NHS: variants seen among roughly 807,000 people sequenced by gnomAD.
NHS encodes NHS actin remodeling regulator, also known as actin remodeling regulator NHS.
A neutral mutation model predicts 72.5 loss-of-function variants in NHS; 5 were observed. The observed-to-expected ratio is 0.07, with a 90% CI of 0.04 to 0.14. NHS has a LOEUF of 0.14. Ranked by LOEUF, NHS falls within the 10% of genes least tolerant of loss-of-function variation. NHS has a pLI of 1.00. For synonymous variants in NHS, 464 were observed against 547.7 expected (o/e 0.85, Z 2.13); for missense variants, 1,072 against 1,355.7 (o/e 0.79, Z 3.29).
At chrX:17,695,927 TA>T (rs371466910) in intron 3 of NHS, among the ~76,000 whole-genome samples, 2,278 of 69,429 alleles carry the variant, frequency 0.033, 34 homozygotes, top group Non-Finnish European at 0.042. Context: ...AAAGCTTCCT[TA>T]AAAAAAAAAA....
intron 3 of NHS, among the ~76,000 whole-genome samples, chrX:17,695,983 C>G (rs745840274): frequency 5.1e-4 from 54 of 106,651 alleles, no homozygotes; most frequent in African/African-American, 1.8e-3. Context: ...TTTTGAAATT[C>G]TATAGCCAGA....
At chrX:17,656,556 C>T (rs1393853559) in intron 1 of NHS, among the ~76,000 whole-genome samples, 1 of 112,807 alleles carries the variant, frequency 8.9e-6, no homozygotes, top group Admixed American at 9.3e-5. Context: ...CAGAGCTGAG[C>T]GAGGGTGAGC....
At chrX:17,530,103 G>A (rs903895518) in intron 1 of NHS, among the ~76,000 whole-genome samples, 11 of 110,629 alleles carry the variant, frequency 9.9e-5, no homozygotes, top group Non-Finnish European at 3.8e-5. Context: ...CCAAGTTGAA[G>A]CTAGTCAAAC....
At chrX:17,695,182 C>G (rs187300186) in intron 3 of NHS, among the ~76,000 whole-genome samples, 15 of 111,879 alleles carry the variant, frequency 1.3e-4, no homozygotes, top group Admixed American at 7.6e-4. Context: ...GGGCAAAACT[C>G]TAAATATTCA....
intron 1 of NHS, among the ~76,000 whole-genome samples, chrX:17,406,056 T>A (rs2064527845): frequency 8.9e-6 from 1 of 112,138 alleles, no homozygotes. Context: ...AAAGACAACT[T>A]CTGGATGAGC....
chrX:17,573,460 T>C (rs975664032), intron 1 of NHS, among the ~76,000 whole-genome samples: 1 of 109,402 alleles, frequency 9.1e-6, no homozygotes, highest in African/African-American at 3.3e-5. Flanking sequence ...TTTCTTCTGC[T>C]TGATCGAGTC....
Position 17,727,153 on chromosome X carries a change from C to T in NHS, c.3047C>T (p.Ala1016Val), listed in dbSNP as rs777198354. 1.7e-6 allele frequency: 2 copies of T among 1,210,242 alleles called. No individual in the cohort carries two copies. Among genetic ancestry groups the T allele is most frequent in the Non-Finnish European group, 2.2e-6 (2 of 895,295 alleles). Residue 1016 changes from alanine (A) to valine (V), a missense_variant, in exon 7 of 9, where the codon GCT becomes GTT. Transcript: ENST00000676302. ...AAACTGGCTTCACCAGAAAAGCTGG[C>T]TGGCTTGGCATCTCCATCAAGTGGC... is the stretch of plus-strand genomic sequence containing the variant. ...EFKLASPEKL[A>V]GLASPSSGYS...
At chrX:17,548,302 G>GT (rs746541411) in intron 1 of NHS, among the ~76,000 whole-genome samples, 18 of 106,507 alleles carry the variant, frequency 1.7e-4, no homozygotes, top group East Asian at 2.9e-4. Flanking sequence ...TGACGAATGA[G>GT]TTTTTTTTTT....
At chrX:17,558,390 G>T (rs2065392783) in intron 1 of NHS, among the ~76,000 whole-genome samples, 1 of 112,184 alleles carries the variant, frequency 8.9e-6, no homozygotes, top group Admixed American at 9.4e-5. Flanking sequence ...CATATCAAAA[G>T]TGCTTTTATT....
chrX:17,681,372 G>C (rs2066127833), intron 1 of NHS, among the ~76,000 whole-genome samples: 1 of 111,563 alleles, frequency 9.0e-6, no homozygotes, highest in Non-Finnish European at 1.9e-5. Context: ...CTGCATGAAG[G>C]CTCTGTGATT....
intron 1 of NHS, among the ~76,000 whole-genome samples, chrX:17,486,756 A>C (rs1220851912): frequency 1.8e-5 from 2 of 112,368 alleles, no homozygotes; most frequent in Non-Finnish European, 3.8e-5. Context: ...AAGCAACAAC[A>C]ATAATAAATG....
chrX:17,461,018 T>C (rs1274763235), intron 1 of NHS, among the ~76,000 whole-genome samples: 3 of 110,604 alleles, frequency 2.7e-5, no homozygotes, highest in East Asian at 2.8e-4. Context: ...TTCTTTGATA[T>C]AATGACCACT....
chrX:17,673,237 C>CACACACACACACAG (rs796409129), intron 1 of NHS, among the ~76,000 whole-genome samples: 2 of 95,006 alleles, frequency 2.1e-5, no homozygotes, highest in Non-Finnish European at 4.2e-5. Context: ...CACACACACA[C>CACACACACACACAG]AAGAAAGCTC....
At position 17,726,449 on chromosome X, in the gene NHS, G is replaced by T. The variant is rs755349633; in HGVS notation, c.2343G>T (p.Thr781=). 3 of 1,211,950 alleles carry T rather than the reference G, an allele frequency of 2.5e-6. No homozygotes were observed. The highest frequency in any genetic ancestry group is 3.4e-6 in the Non-Finnish European group (3 of 895,494). ...CTAGCTCTCACTTTTCAGTAGACAC[G>T]GAAGGATACTATACCTCCATGCACT... ...ADTSSHFSVD[T]EGYYTSMHFD... Residue 781 remains threonine, a synonymous_variant, in exon 7 of 9, where the codon ACG becomes ACT. Transcript: ENST00000676302.
chrX:17,566,018 G>C (rs2065441576), intron 1 of NHS, among the ~76,000 whole-genome samples: 1 of 103,127 alleles, frequency 9.7e-6, no homozygotes, highest in Non-Finnish European at 2.0e-5. Context: ...TTGCTCTGTT[G>C]CCCAGGCTGG....
intron 1 of NHS, among the ~76,000 whole-genome samples, chrX:17,650,898 G>A (rs780955419): frequency 4.5e-4 from 50 of 112,223 alleles, no homozygotes; most frequent in Admixed American, 4.4e-3. Flanking sequence ...AATAGTCCAT[G>A]CATGTTGAAG....
chrX:17,478,018 C>T (rs2064929040), intron 1 of NHS, among the ~76,000 whole-genome samples: 2 of 111,870 alleles, frequency 1.8e-5, no homozygotes, highest in African/African-American at 6.5e-5. Flanking sequence ...AGATATGCCA[C>T]GTTCACTTTA....
At chrX:17,565,391 T>A (rs1390508540) in intron 1 of NHS, among the ~76,000 whole-genome samples, 1 of 112,509 alleles carries the variant, frequency 8.9e-6, no homozygotes, top group Non-Finnish European at 1.9e-5. Context: ...ATGCACATAA[T>A]CATGAGAAAT....
intron 1 of NHS, among the ~76,000 whole-genome samples, chrX:17,426,272 A>C (rs1054245243): frequency 8.9e-6 from 1 of 112,231 alleles, no homozygotes; most frequent in Admixed American, 9.4e-5. Flanking sequence ...CAGCACACCA[A>C]GGAAATTATC....
Sources: allele counts gnomAD v4.1 joint callset (sites outside exome capture counted in the v4.1 genomes callset), GRCh38; gene constraint gnomAD v4.1.1; transcripts MANE v1.5; gene names NCBI Gene and HGNC (gene_info 2026-07-23, HGNC 2026-07-21).